ARHGAP10: variants seen among roughly 807,000 people sequenced by gnomAD.
ARHGAP10 encodes the protein rho GTPase-activating protein 10.
A neutral mutation model predicts 108.6 loss-of-function variants in ARHGAP10; 87 were observed. The ratio of observed to expected loss-of-function variants is 0.80; its 90% CI spans 0.67 to 0.96. The LOEUF (loss-of-function observed/expected upper bound fraction) is 0.96, where lower values mean the gene tolerates loss of function less well. ARHGAP10 is among the 40% of genes least tolerant of loss of function. The pLI is 0.00. For missense variants in ARHGAP10, 939 were observed against 954.5 expected, an observed-to-expected ratio of 0.98 and a Z score of 0.21; for synonymous variants, 347 against 341.1, an observed-to-expected ratio of 1.02 and a Z score of -0.19.
At chr4:148,004,750 C>T (rs1740875644) in intron 18 of ARHGAP10, among the ~76,000 whole-genome samples, 1 of 152,180 alleles carries the variant, frequency 6.6e-6, no homozygotes, top group Admixed American at 6.5e-5. Context: ...GTTCAGCGTC[C>T]AGAATACAGC....
intron 10 of ARHGAP10, among the ~76,000 whole-genome samples, chr4:147,883,080 G>T (rs942815124): frequency 2.6e-5 from 4 of 152,164 alleles, no homozygotes; most frequent in African/African-American, 9.7e-5. Context: ...AGAGAGGAAG[G>T]ATTAGTGGTT....
chr4:147,995,423 T>C (rs1740435177), intron 18 of ARHGAP10, among the ~76,000 whole-genome samples: 1 of 152,242 alleles, frequency 6.6e-6, no homozygotes, highest in Non-Finnish European at 1.5e-5. Flanking sequence ...ATATGTGATC[T>C]ACTTACAGTG....
At chr4:147,968,671 AT>A (rs995892989) in intron 18 of ARHGAP10, among the ~76,000 whole-genome samples, 7 of 151,856 alleles carry the variant, frequency 4.6e-5, no homozygotes, top group African/African-American at 1.2e-4. Flanking sequence ...GAACTTTTAG[AT>A]TTTTTTTTCT....
intron 19 of ARHGAP10, among the ~76,000 whole-genome samples, chr4:148,028,934 T>C (rs1057128024): frequency 6.6e-6 from 1 of 152,240 alleles, no homozygotes; most frequent in Admixed American, 6.5e-5. Flanking sequence ...GTTTATGTTT[T>C]TGTTTTTATC....
At chr4:147,935,215 G>A (rs545413903) in intron 13 of ARHGAP10, among the ~76,000 whole-genome samples, 3 of 152,240 alleles carry the variant, frequency 2.0e-5, no homozygotes, top group South Asian at 2.1e-4. Flanking sequence ...GGTGAGGCCC[G>A]TCATGGATGT....
At chr4:147,780,204 C>T (rs921845007) in intron 1 of ARHGAP10, among the ~76,000 whole-genome samples, 1 of 152,170 alleles carries the variant, frequency 6.6e-6, no homozygotes, top group African/African-American at 2.4e-5. Context: ...GCACTCGTTT[C>T]ACTTCCCCTT....
intron 1 of ARHGAP10, among the ~76,000 whole-genome samples, chr4:147,764,276 A>T (rs1333828769): frequency 6.6e-6 from 1 of 152,148 alleles, no homozygotes; most frequent in African/African-American, 2.4e-5. Flanking sequence ...CTTCAATACC[A>T]CTTTGAGTTT....
At chr4:147,789,715 G>A (rs1221299220) in intron 1 of ARHGAP10, among the ~76,000 whole-genome samples, 3 of 152,236 alleles carry the variant, frequency 2.0e-5, no homozygotes, top group Non-Finnish European at 4.4e-5. Flanking sequence ...GGCCTGCCCA[G>A]TGCACACAGC....
rs530786643 is a variant in ARHGAP10, at chr4:147,921,019, A to G, written c.1228+7880A>G. ...TACGTAGCAAAGAAACAGGCATTCA[A>G]AAAGTAAATATGAAAACTAATATTG... is the stretch of plus-strand genomic sequence containing the variant. On this transcript the variant is annotated intron_variant, in intron 13 of 22. Transcript: ENST00000336498. Among the ~76,000 whole-genome samples, 48 of 152,390 alleles carry G rather than the reference A, an allele frequency of 3.1e-4. No individual in the cohort carries two copies. In the South Asian group the frequency reaches 9.9e-3, roughly 32 times the overall value.
At chr4:148,002,139 T>C (rs998381033) in intron 18 of ARHGAP10, among the ~76,000 whole-genome samples, 1 of 152,238 alleles carries the variant, frequency 6.6e-6, no homozygotes, top group Non-Finnish European at 1.5e-5. Flanking sequence ...TTGAATTTTG[T>C]CAAAGACCTT....
At chr4:148,039,489 G>A (rs988049498) in intron 19 of ARHGAP10, among the ~76,000 whole-genome samples, 3 of 146,816 alleles carry the variant, frequency 2.0e-5, no homozygotes, top group Non-Finnish European at 3.0e-5. Context: ...TAGTAAAGAC[G>A]AGGTTTCACT....
intron 18 of ARHGAP10, among the ~76,000 whole-genome samples, chr4:148,019,259 G>A (rs746198350): frequency 6.6e-6 from 1 of 152,210 alleles, no homozygotes; most frequent in Non-Finnish European, 1.5e-5. Flanking sequence ...GTGGAGTCAT[G>A]AGGTCTGAAT....
chr4:147,909,477 T>G (rs1736642142), intron 11 of ARHGAP10, among the ~76,000 whole-genome samples: 1 of 152,194 alleles, frequency 6.6e-6, no homozygotes, highest in African/African-American at 2.4e-5. Context: ...AGTCACCTCA[T>G]TAGCATAAAC....
At chr4:147,866,686 A>T (rs774372168) in intron 6 of ARHGAP10, 26 bp from the exon 7 acceptor site, 2 of 1,549,032 alleles carry the variant, frequency 1.3e-6, no homozygotes, top group Admixed American at 1.8e-5. Context: ...TTTTGTGCTA[A>T]TATCTCTTTT....
intron 1 of ARHGAP10, among the ~76,000 whole-genome samples, chr4:147,808,292 TA>T (rs1478705833): frequency 6.6e-6 from 1 of 151,534 alleles, no homozygotes; most frequent in Non-Finnish European, 1.5e-5. Context: ...GCAGAGCATG[TA>T]CAAAGACTGC....
At chr4:147,945,725 G>C (rs1037636932) in intron 14 of ARHGAP10, among the ~76,000 whole-genome samples, 1 of 152,104 alleles carries the variant, frequency 6.6e-6, no homozygotes, top group African/African-American at 2.4e-5. Context: ...TGCCACCCTC[G>C]GTTTTCTGTG....
At chr4:147,807,258 A>C (rs1731824534) in intron 1 of ARHGAP10, among the ~76,000 whole-genome samples, 1 of 152,144 alleles carries the variant, frequency 6.6e-6, no homozygotes, top group Admixed American at 6.6e-5. Flanking sequence ...TGATTTTTAT[A>C]TGAAATATCC....
chr4:147,775,171 C>G (rs544750192), intron 1 of ARHGAP10, among the ~76,000 whole-genome samples: 1 of 152,320 alleles, frequency 6.6e-6, no homozygotes, highest in Admixed American at 6.5e-5. Context: ...CCTCGGCCCC[C>G]CAAAGTGCTG....
At chr4:147,849,558 A>G (rs1404479673) in intron 4 of ARHGAP10, among the ~76,000 whole-genome samples, 2 of 152,230 alleles carry the variant, frequency 1.3e-5, no homozygotes, top group Non-Finnish European at 2.9e-5. Flanking sequence ...AAAGTTGACC[A>G]CATCAGAATT....
Sources: gnomAD v4.1 joint callset for allele counts (sites outside exome capture counted in the v4.1 genomes callset) on GRCh38, gnomAD v4.1.1 for gene constraint, MANE v1.5 for transcripts, NCBI Gene and HGNC (gene_info 2026-07-23, HGNC 2026-07-21) for gene names.